DSE: variants seen among roughly 807,000 people sequenced by gnomAD.
The protein encoded by DSE is dermatan-sulfate epimerase.
A neutral mutation model predicts 84.4 loss-of-function variants in DSE; 36 were observed. That is an observed-to-expected ratio of 0.43 (90% CI 0.33 to 0.56). The LOEUF is 0.56. Ranked by LOEUF, DSE falls within the 20% of genes least tolerant of loss-of-function variation. DSE has a pLI of 0.06. For synonymous variants in DSE, 410 were observed against 430.1 expected, an observed-to-expected ratio of 0.95 and a Z score of 0.58; for missense variants, 862 against 1,169.6, an observed-to-expected ratio of 0.74 and a Z score of 3.84.
chr6:116,410,727 C>A (rs1259416995), intron 2 of DSE, among the ~76,000 whole-genome samples: 1 of 84,574 alleles, frequency 1.2e-5, no homozygotes, highest in Non-Finnish European at 2.1e-5. Context: ...GAGCGAGACT[C>A]TGTCTCAAAA....
intron 2 of DSE, among the ~76,000 whole-genome samples, chr6:116,294,566 A>G (rs1380462770): frequency 6.6e-6 from 1 of 152,194 alleles, no homozygotes; most frequent in African/African-American, 2.4e-5. Flanking sequence ...TAGGAAAGCC[A>G]TAAATATGGT....
At chr6:116,379,576 T>C (rs1263324800) in intron 1 of DSE, among the ~76,000 whole-genome samples, 1 of 152,184 alleles carries the variant, frequency 6.6e-6, no homozygotes, top group African/African-American at 2.4e-5. Context: ...GTTATGCAAG[T>C]TCAGTTTATT....
upstream of DSE, chr6:116,369,870 C>A (rs1779400273): frequency 7.8e-7 from 1 of 1,285,174 alleles, no homozygotes; most frequent in African/African-American, 1.5e-5. Flanking sequence ...AGGTGCCCTT[C>A]AGAACTCATG....
chr6:116,405,292 T>G (rs191323964), intron 2 of DSE, among the ~76,000 whole-genome samples: 13 of 152,204 alleles, frequency 8.5e-5, no homozygotes, highest in Middle Eastern at 3.4e-3. Context: ...GCCGGGAGAA[T>G]GTAGCTGGGC....
chr6:116,316,887 G>T lies in DSE; in HGVS notation c.-54+57920G>T, dbSNP rs556437767. The stretch of plus-strand genomic sequence containing the variant: ...CTACTACTTTTAATGTGCTGTGCAG[G>T]TACCTTAGCTCATTTACTACTAGAA... On this transcript the variant is annotated intron_variant, in intron 2 of 3. Transcript: ENST00000430252. 5.4e-5 allele frequency among the ~76,000 whole-genome samples: 8 copies of T among 147,982 alleles called. No individual in the cohort carries two copies. In the South Asian group the frequency reaches 1.7e-3, roughly 31 times the overall value.
rs1243703879 is a variant in DSE, at chr6:116,437,678, A to C, written c.*333A>C. On this transcript the variant is annotated 3_prime_UTR_variant, in exon 6 of 6. Coordinates refer to ENST00000644252, the MANE Select transcript of DSE (RefSeq NM_013352.4). ...TCTTATGAGAAAAAGGTTTAGATAG[A>C]ATTGGGTTTTATTAATATTAATTTA... 2.3e-5 allele frequency: 4 copies of C among 177,386 alleles called. No individual in the cohort carries two copies. Among genetic ancestry groups the C allele is most frequent in the African/African-American group, 9.5e-5 (4 of 42,294 alleles). The allele number at this position is 177,386 out of a possible 1,614,324, so 11.0% of individuals were successfully genotyped here.
At chr6:116,370,141 C>T (rs1779426452), upstream of DSE, 2 of 349,300 alleles carry the variant, frequency 5.7e-6, no homozygotes, top group Non-Finnish European at 1.1e-5. Context: ...GAGGCTGTGA[C>T]TACCAAGGTT....
chr6:116,400,841 T>G (rs1781546250), intron 2 of DSE: 1 of 152,198 alleles, frequency 6.6e-6, no homozygotes, highest in Non-Finnish European at 1.5e-5. Context: ...GTATGAAAAC[T>G]TATCTGATAT....
intron 3 of DSE, among the ~76,000 whole-genome samples, chr6:116,428,051 T>C (rs1023248673): frequency 6.6e-6 from 1 of 152,138 alleles, no homozygotes; most frequent in Non-Finnish European, 1.5e-5. Flanking sequence ...TAGCTGGGCG[T>C]TGTGGCGTGT....
rs1583068258 is a variant in DSE at position 116,350,285 on chromosome 6, A to ACT, written c.-53-48913_-53-48912insCT. ...AGGAAGAGTATGAAGATCAATGGGT[A>ACT]TGGGCCTACATTATTCTAGGACTGA... On this transcript the variant is annotated intron_variant, in intron 2 of 3. Coordinates refer to the DSE transcript ENST00000430252. 2.0e-5 allele frequency among the ~76,000 whole-genome samples: 3 copies of ACT among 152,308 alleles called. No homozygotes were observed. In the East Asian group the frequency reaches 5.8e-4, roughly 29 times the overall value.
chr6:116,365,881 G>A (rs892547332), upstream of DSE, among the ~76,000 whole-genome samples: 1 of 152,186 alleles, frequency 6.6e-6, no homozygotes, highest in Admixed American at 6.5e-5. Context: ...AAACTGGCAT[G>A]ACCTCAACTA....
intron 2 of DSE, among the ~76,000 whole-genome samples, chr6:116,338,731 C>A (rs1274949817): frequency 6.6e-6 from 1 of 152,146 alleles, no homozygotes; most frequent in African/African-American, 2.4e-5. Flanking sequence ...ATTCTATTTA[C>A]AAAGTTGTAA....
intron 2 of DSE, among the ~76,000 whole-genome samples, chr6:116,347,287 A>G (rs1297910836): frequency 6.6e-6 from 1 of 152,200 alleles, no homozygotes; most frequent in African/African-American, 2.4e-5. Context: ...TTCATATGGA[A>G]CCAAAAAAAG....
At chr6:116,363,044 A>C (rs1192533247) in intron 2 of DSE, among the ~76,000 whole-genome samples, 1 of 152,192 alleles carries the variant, frequency 6.6e-6, no homozygotes, top group Non-Finnish European at 1.5e-5. Context: ...TAGAACTTTC[A>C]GTTTCCAGAA....
chr6:116,302,416 T>A (rs965853572), intron 2 of DSE, among the ~76,000 whole-genome samples: 2 of 152,244 alleles, frequency 1.3e-5, no homozygotes, highest in Non-Finnish European at 2.9e-5. Flanking sequence ...ATATGTTTGT[T>A]GGCTGCATAA....
At chr6:116,279,367 ACCT>A in intron 2 of DSE, 1 of 1,610,970 alleles carries the variant, frequency 6.2e-7, no homozygotes. Context: ...TCCTGTCTTC[ACCT>A]CCTCCGCCTC....
intron 2 of DSE, among the ~76,000 whole-genome samples, chr6:116,344,908 C>T (rs1777852394): frequency 6.6e-6 from 1 of 151,940 alleles, no homozygotes; most frequent in African/African-American, 2.4e-5. Flanking sequence ...CACATAGGCT[C>T]AAAATAAAGG....
intron 2 of DSE, among the ~76,000 whole-genome samples, chr6:116,328,108 G>A (rs1199775534): frequency 6.6e-6 from 1 of 152,110 alleles, no homozygotes; most frequent in African/African-American, 2.4e-5. Flanking sequence ...AGCACCAAAT[G>A]GGCATTTCTT....
intron 1 of DSE, among the ~76,000 whole-genome samples, chr6:116,398,984 T>C (rs1781419235): frequency 6.6e-6 from 1 of 152,250 alleles, no homozygotes; most frequent in South Asian, 2.1e-4. Context: ...AATTCTGTTT[T>C]CCATAATGAA....
Sources: gnomAD v4.1 joint callset for allele counts (sites outside exome capture counted in the v4.1 genomes callset) on GRCh38, gnomAD v4.1.1 for gene constraint, MANE v1.5 for transcripts, NCBI Gene and HGNC (gene_info 2026-07-23, HGNC 2026-07-21) for gene names.